CDH17: variants seen among roughly 807,000 people sequenced by gnomAD.
CDH17 encodes the protein cadherin-17.
CDH17 carries 67 observed loss-of-function variants against 86.3 expected under a neutral mutation model. That is an observed-to-expected ratio of 0.78 (90% confidence interval 0.64 to 0.95). The LOEUF (loss-of-function observed/expected upper bound fraction) is 0.95, where lower values mean the gene tolerates loss of function less well. CDH17 is among the 40% of genes least tolerant of loss of function. The pLI is 0.00. For missense variants in CDH17, 993 were observed against 1,017.6 expected, an observed-to-expected ratio of 0.98 and a Z score of 0.33; for synonymous variants, 367 against 366.4, an observed-to-expected ratio of 1.00 and a Z score of -0.02.
intron 12 of CDH17, among the ~76,000 whole-genome samples, chr8:94,158,846 T>C (rs1241768979): frequency 1.3e-5 from 2 of 152,242 alleles, no homozygotes; most frequent in Non-Finnish European, 2.9e-5. Flanking sequence ...CTAGTGCTTT[T>C]TTCTCTGTGC....
intron 10 of CDH17, 149 bp from the exon 11 acceptor site, chr8:94,162,311 C>G: frequency 3.2e-6 from 2 of 620,050 alleles, no homozygotes; most frequent in Non-Finnish European, 2.9e-6. Context: ...AGTGGGCTCT[C>G]TGTTTCCCAC....
chr8:94,137,795 C>T (rs916461992), intron 15 of CDH17, among the ~76,000 whole-genome samples: 5 of 152,170 alleles, frequency 3.3e-5, no homozygotes, highest in East Asian at 1.9e-4. Context: ...AAAGCAAAAG[C>T]GAAAGCTCCT....
At position 94,170,379 on chromosome 8, in the gene CDH17, G is replaced by A. The variant is rs376958097; in HGVS notation, c.1066+18C>T. 3.2e-5 allele frequency: 52 copies of A among 1,612,404 alleles called. No homozygotes were observed. In the African/African-American group the frequency reaches 6.0e-4, roughly 19 times the overall value. ...ATGGAGGGCAGTTACACAGCATTAGGCAGCTCTCATTTCTTACCCAGTCGT... is the reference window on the plus strand; with the variant it reads ...ATGGAGGGCAGTTACACAGCATTAGACAGCTCTCATTTCTTACCCAGTCGT... On this transcript the variant is annotated intron_variant, in intron 9 of 17. Transcript: ENST00000027335.
chr8:94,167,719 G>A (rs575606892), intron 9 of CDH17, among the ~76,000 whole-genome samples: 243 of 152,232 alleles, frequency 1.6e-3, no homozygotes, highest in African/African-American at 5.7e-3. Context: ...GCAAGAAACT[G>A]AGGACACTGT....
At chr8:94,160,268 A>G (rs1328544302) in intron 11 of CDH17, 106 bp from the exon 12 acceptor site, 1 of 790,284 alleles carries the variant, frequency 1.3e-6, no homozygotes, top group Admixed American at 2.9e-5. Flanking sequence ...CATAGTTTGC[A>G]TCAATCTTCA....
chr8:94,176,396 A>G (rs1235945458), intron 5 of CDH17, 145 bp downstream of exon 5: 1 of 818,814 alleles, frequency 1.2e-6, no homozygotes, highest in Admixed American at 2.3e-5. Context: ...CAATAGAGAT[A>G]GTGAAACAAC....
At chr8:94,130,833 G>A in intron 16 of CDH17, 43 bp downstream of exon 16, 1 of 1,496,408 alleles carries the variant, frequency 6.7e-7, no homozygotes, top group African/African-American at 1.4e-5. Flanking sequence ...AACGGCCCAT[G>A]GTGACAGATA....
intron 3 of CDH17, among the ~76,000 whole-genome samples, chr8:94,179,719 CTAGTCAT>C (rs1813442236): frequency 6.6e-6 from 1 of 152,198 alleles, no homozygotes; most frequent in Non-Finnish European, 1.5e-5. Context: ...AACTCTCTAT[CTAGTCAT>C]TAGCTGAACA....
intron 1 of CDH17, among the ~76,000 whole-genome samples, chr8:94,194,965 T>A (rs544260749): frequency 6.6e-4 from 100 of 152,334 alleles, no homozygotes; most frequent in African/African-American, 2.4e-3. Context: ...GTTATGATCT[T>A]CTTCATTTCA....
In CDH17 at chr8:94,146,139, C is replaced by G. The variant is rs1424490352; in HGVS notation, c.1956G>C (p.Glu652Asp). Residue 652 changes from glutamate (E) to aspartate (D), a missense_variant, in exon 15 of 18, where the codon GAG (glutamate) becomes GAC (aspartate). Transcript: ENST00000027335. ...TCACATCCATAAGGATCAGGTGGAA[C>G]TCTGACACAGAGCTCAAGGAAGACC... Reference protein sequence around the residue: ...VGGSSLSSVSEFHLILMDVND... With the variant: ...VGGSSLSSVSDFHLILMDVND... The G allele has an allele frequency of 6.3e-7, 1 of 1,596,186 alleles. No homozygotes were observed. Among genetic ancestry groups the G allele is most frequent in the African/African-American group, 1.4e-5 (1 of 74,018 alleles).
intron 7 of CDH17, among the ~76,000 whole-genome samples, chr8:94,173,313 G>A (rs1181974587): frequency 6.6e-6 from 1 of 152,128 alleles, no homozygotes; most frequent in Non-Finnish European, 1.5e-5. Flanking sequence ...TGAGCACCAC[G>A]CCCTTGGTGG....
At chr8:94,173,764 T>A in intron 7 of CDH17, 33 bp downstream of exon 7, 1 of 1,536,794 alleles carries the variant, frequency 6.5e-7, no homozygotes, top group Non-Finnish European at 9.0e-7. Context: ...TTTATCTAGT[T>A]GGCTCTCAGT....
chr8:94,192,828 A>C (rs1183040898), intron 2 of CDH17, among the ~76,000 whole-genome samples: 1 of 152,138 alleles, frequency 6.6e-6, no homozygotes, highest in Non-Finnish European at 1.5e-5. Flanking sequence ...CCTGAAGTAC[A>C]TCAATGCCGT....
At chr8:94,139,063 T>C (rs1487619372) in intron 15 of CDH17, among the ~76,000 whole-genome samples, 1 of 152,048 alleles carries the variant, frequency 6.6e-6, no homozygotes, top group African/African-American at 2.4e-5. Flanking sequence ...ATTACATAAA[T>C]AGTGGGAAAA....
chr8:94,132,126 C>T (rs1019666752), intron 15 of CDH17, among the ~76,000 whole-genome samples: 53 of 152,098 alleles, frequency 3.5e-4, no homozygotes, highest in African/African-American at 1.1e-3. Flanking sequence ...TGAATAGTGC[C>T]ACAATAAACA....
intron 12 of CDH17, among the ~76,000 whole-genome samples, chr8:94,158,003 A>G (rs1205533677): frequency 6.6e-6 from 1 of 152,182 alleles, no homozygotes; most frequent in African/African-American, 2.4e-5. Flanking sequence ...TCCAGGGCTC[A>G]GTTCTGTTCT....
At chr8:94,204,494 G>A (rs1224310455) in intron 1 of CDH17, among the ~76,000 whole-genome samples, 11 of 152,138 alleles carry the variant, frequency 7.2e-5, no homozygotes, top group Non-Finnish European at 2.9e-5. Context: ...TTTTATGGCT[G>A]CATAGTATTC....
At chr8:94,172,781 T>C (rs1003535963) in intron 7 of CDH17, among the ~76,000 whole-genome samples, 2 of 151,544 alleles carry the variant, frequency 1.3e-5, no homozygotes, top group African/African-American at 4.9e-5. Context: ...GGAGCTAAGG[T>C]AGGAGGGGGC....
intron 3 of CDH17, among the ~76,000 whole-genome samples, chr8:94,183,344 C>CA (rs1193975226): frequency 6.6e-6 from 1 of 152,030 alleles, no homozygotes; most frequent in Non-Finnish European, 1.5e-5. Flanking sequence ...AAATTTACTA[C>CA]AAAGGTGTAG....
Sources: allele counts gnomAD v4.1 joint callset (sites outside exome capture counted in the v4.1 genomes callset), GRCh38; gene constraint gnomAD v4.1.1; transcripts MANE v1.5; gene names NCBI Gene and HGNC (gene_info 2026-07-23, HGNC 2026-07-21).